CDCP1: variants seen among roughly 807,000 people sequenced by gnomAD.
CDCP1 encodes CUB domain containing protein 1, also known as CUB domain-containing protein 1.
A neutral mutation model predicts 60.2 loss-of-function variants in CDCP1; 29 were observed. That is an observed-to-expected ratio of 0.48 (90% CI 0.36 to 0.66). The LOEUF is 0.66. Among genes scored for constraint, CDCP1 ranks in the 30% least tolerant of loss-of-function variants. CDCP1 has a pLI of 0.00. For synonymous variants in CDCP1, 387 were observed against 431.1 expected (o/e 0.90, Z 1.27); for missense variants, 876 against 1,074.3 (o/e 0.82, Z 2.58).
At chr3:45,130,968 G>A (rs1334764434) in intron 1 of CDCP1, among the ~76,000 whole-genome samples, 7 of 152,000 alleles carry the variant, frequency 4.6e-5, no homozygotes, top group Admixed American at 3.9e-4. Flanking sequence ...CCGGGCTCAC[G>A]CAATCCGCCC....
rs767032556 is a variant in CDCP1 at position 45,110,819 on chromosome 3, C to T, written c.678G>A (p.Val226=). 6.2e-7 allele frequency: 1 copy of T among 1,613,590 alleles called. No homozygotes were observed. Among genetic ancestry groups the T allele is most frequent in the Non-Finnish European group, 8.5e-7 (1 of 1,179,770 alleles). ...SIKRLCIIES[V]FEGEGSATLM... is the part of the protein sequence containing the mutation. ...GGGTTGCTGAGCCTTCACCCTCAAA[C>T]ACAGACTCGATGATGCACAGACCTA... The change falls in exon 4 of 9, where the codon GTG becomes GTA. Residue 226 remains valine (V), a synonymous_variant. Transcript: ENST00000296129.
At chr3:45,107,709 T>G (rs964640298) in intron 4 of CDCP1, among the ~76,000 whole-genome samples, 3 of 152,114 alleles carry the variant, frequency 2.0e-5, no homozygotes, top group Non-Finnish European at 4.4e-5. Context: ...ATGGTCAAAG[T>G]AAGTGGGGGA....
intron 1 of CDCP1, among the ~76,000 whole-genome samples, chr3:45,132,350 C>T (rs1014496067): frequency 2.0e-5 from 3 of 152,118 alleles, no homozygotes; most frequent in South Asian, 4.1e-4. Context: ...CAGAAGGTTA[C>T]ATCCGGCTAT....
At chr3:45,146,076 C>T in intron 1 of CDCP1, 130 bp downstream of exon 1, 4 of 799,196 alleles carry the variant, frequency 5.0e-6, no homozygotes, top group East Asian at 6.7e-5. Context: ...TTGACTACGC[C>T]GTCCCCGCCC....
chr3:45,138,068 G>A (rs1699219623), intron 1 of CDCP1, among the ~76,000 whole-genome samples: 1 of 152,186 alleles, frequency 6.6e-6, no homozygotes, highest in African/African-American at 2.4e-5. Context: ...CAATCCCCAG[G>A]AGACCACTGG....
chr3:45,096,007 G>T (rs117452348), intron 4 of CDCP1, among the ~76,000 whole-genome samples: 3 of 152,274 alleles, frequency 2.0e-5, no homozygotes, highest in East Asian at 3.9e-4. Flanking sequence ...ATCAGAAAAT[G>T]CAAGTTAAAA....
chr3:45,145,207 C>G (rs1699356924), intron 1 of CDCP1, among the ~76,000 whole-genome samples: 1 of 152,056 alleles, frequency 6.6e-6, no homozygotes. Flanking sequence ...CCTTTTATTC[C>G]TTTATCTAAT....
chr3:45,107,300 G>A (rs1035114567), intron 4 of CDCP1, among the ~76,000 whole-genome samples: 2 of 151,658 alleles, frequency 1.3e-5, no homozygotes, highest in African/African-American at 2.4e-5. Context: ...TCCACCTCCC[G>A]GGTTCAAGCG....
rs780582029 is a variant in CDCP1 at position 45,112,237 on chromosome 3, G to T, written c.501C>A (p.Ile167=). The T allele has an allele frequency of 1.2e-6, 2 of 1,614,054 alleles. No homozygotes were observed. The highest frequency in any genetic ancestry group is 2.7e-5 in the African/African-American group (2 of 74,912). ...TTCCGATCCTGACCACGGTGGCATCGATTCGGCCGCTGATGGAGTGAGTGA... is the reference window on the plus strand; with the variant it reads ...TTCCGATCCTGACCACGGTGGCATCTATTCGGCCGCTGATGGAGTGAGTGA... ...DGVTHSISGR[I]DATVVRIGTF... The change falls in exon 3 of 9, where the codon ATC becomes ATA. Residue 167 remains isoleucine (I), a synonymous_variant. Transcript: ENST00000296129.
At chr3:45,117,802 G>A (rs1698819480) in intron 2 of CDCP1, among the ~76,000 whole-genome samples, 1 of 152,000 alleles carries the variant, frequency 6.6e-6, no homozygotes, top group Admixed American at 6.6e-5. Context: ...TCACCATGTT[G>A]GCCAGGCTGG....
chr3:45,130,648 A>G (rs1433814880), intron 1 of CDCP1, among the ~76,000 whole-genome samples: 1 of 152,172 alleles, frequency 6.6e-6, no homozygotes, highest in Non-Finnish European at 1.5e-5. Flanking sequence ...GTTACAACAA[A>G]TTGTTGTTTG....
chr3:45,099,119 CT>C (rs1698449762), intron 4 of CDCP1, among the ~76,000 whole-genome samples: 1 of 149,170 alleles, frequency 6.7e-6, no homozygotes, highest in African/African-American at 2.5e-5. Context: ...TCCATCTTTT[CT>C]TTTCTTTTTT....
rs770610226 is a variant in CDCP1 at position 45,110,799 on chromosome 3, G to A, written c.698C>T (p.Ala233Val). 2 of 1,613,918 alleles carry A rather than the reference G, an allele frequency of 1.2e-6. No individual in the cohort carries two copies. ...IESVFEGEGS[A>V]TLMSANYPEG... ...TGGGTAGTTGGCAGACATCAGGGTT[G>A]CTGAGCCTTCACCCTCAAACACAGA... Residue 233 changes from alanine (A) to valine (V), a missense_variant, in exon 4 of 9, where the codon GCA becomes GTA. Physicochemically the swap from Ala to Val is moderately conservative, Grantham distance 64. This residue lies in a region of CDCP1 where 726 missense variants were observed against 935.7 expected (regional missense o/e 0.78). Coordinates refer to ENST00000296129, the MANE Select transcript of CDCP1 (RefSeq NM_022842.5).
chr3:45,127,987 G>A (rs949499479), intron 1 of CDCP1, among the ~76,000 whole-genome samples: 4 of 152,196 alleles, frequency 2.6e-5, no homozygotes, highest in South Asian at 4.1e-4. Context: ...CAACCCCAAC[G>A]GCAGGTGCAC....
At chr3:45,094,757 A>G (rs1698365714) in intron 5 of CDCP1, among the ~76,000 whole-genome samples, 2 of 152,144 alleles carry the variant, frequency 1.3e-5, no homozygotes, top group African/African-American at 4.8e-5. Flanking sequence ...AGTCTGAGCA[A>G]GAGAGGAGAG....
At chr3:45,121,577 C>G (rs1698884195) in intron 1 of CDCP1, among the ~76,000 whole-genome samples, 1 of 152,178 alleles carries the variant, frequency 6.6e-6, no homozygotes, top group Admixed American at 6.5e-5. Context: ...CCCCTTCTGT[C>G]AGCTTTTTTA....
chr3:45,091,271 T>C lies in CDCP1; in HGVS notation c.1895A>G (p.His632Arg). 6.2e-7 allele frequency: 1 copy of C among 1,613,890 alleles called. No homozygotes were observed. Among genetic ancestry groups the C allele is most frequent in the Non-Finnish European group, 8.5e-7 (1 of 1,180,006 alleles). The part of the protein sequence containing the change: ...DEDVLPKPSF[H>R]HHSFWVNISN... ...GATGTTGACCCAGAAGCTGTGATGGTGGAAGCTTGGCTTGGGGAGCACATC... is the reference window on the plus strand; with the variant it reads ...GATGTTGACCCAGAAGCTGTGATGGCGGAAGCTTGGCTTGGGGAGCACATC... The change falls in exon 7 of 9, where the codon CAC becomes CGC. Residue 632 changes from histidine to arginine, a missense_variant. Physicochemically the swap from His to Arg is conservative, Grantham distance 29. Transcript: ENST00000296129. This position sits in a 1 kb window ranked among gnomAD's most constrained non-coding sequence, Gnocchi z 4.8.
chr3:45,113,327 A>G (rs1365305456), intron 2 of CDCP1, among the ~76,000 whole-genome samples: 1 of 152,328 alleles, frequency 6.6e-6, no homozygotes, highest in African/African-American at 2.4e-5. Context: ...GCTAACAGCT[A>G]ATAACATCCT....
At chr3:45,099,349 T>C (rs906559882) in intron 4 of CDCP1, among the ~76,000 whole-genome samples, 1 of 152,160 alleles carries the variant, frequency 6.6e-6, no homozygotes, top group East Asian at 1.9e-4. Flanking sequence ...TAATACCCAG[T>C]GTTGCTGATA....
Sources: allele counts gnomAD v4.1 joint callset (sites outside exome capture counted in the v4.1 genomes callset), GRCh38; gene constraint gnomAD v4.1.1; regional missense constraint gnomAD v4.1.1; non-coding constraint Gnocchi (gnomAD v3.1); transcripts MANE v1.5; gene names NCBI Gene and HGNC (gene_info 2026-07-23, HGNC 2026-07-21).